ABI3BP: variants seen among roughly 807,000 people sequenced by gnomAD.
The protein encoded by ABI3BP is ABI family member 3 binding protein.
In ABI3BP, 216 loss-of-function variants were observed where a neutral mutation model predicts 268.6. The observed-to-expected ratio is 0.80, with a 90% CI of 0.72 to 0.90. The LOEUF is 0.90. ABI3BP is among the 40% of genes least tolerant of loss of function. ABI3BP has a pLI of 0.00. For synonymous variants in ABI3BP, 730 were observed against 730.0 expected (o/e 1.00, Z 0.00); for missense variants, 2,090 against 2,182.4 (o/e 0.96, Z 0.84).
chr3:100,804,970 A>G lies in ABI3BP; in HGVS notation c.3683-104T>C, dbSNP rs944036794. 6 of 922,034 alleles carry G rather than the reference A, an allele frequency of 6.5e-6. No individual in the cohort carries two copies. In the African/African-American group the frequency reaches 9.8e-5, roughly 15 times the overall value. 57.1% of individuals were successfully genotyped at this position (922,034 alleles called of 1,614,324 possible). ...GTGTAGCCTGAACACTGATAAAACA[A>G]AGCATTAGAGAGAAGACAGAAGAAG... On this transcript the variant is annotated intron_variant, in intron 50 of 67. Coordinates refer to ENST00000471714, the MANE Select transcript of ABI3BP (RefSeq NM_001375547.2).
intron 2 of ABI3BP, among the ~76,000 whole-genome samples, chr3:100,924,695 C>T (rs973829026): frequency 4.6e-5 from 7 of 152,066 alleles, no homozygotes; most frequent in African/African-American, 1.7e-4. Context: ...AATCAATTTT[C>T]ATCATTGAAA....
rs1451720615 is a variant in ABI3BP at position 100,869,265 on chromosome 3, CATTT to C, written c.911-2313_911-2310del. On this transcript the variant is annotated intron_variant, in intron 9 of 67. Coordinates refer to ENST00000471714, the MANE Select transcript of ABI3BP (RefSeq NM_001375547.2). ...ACTACCCCTTCCTAAGAGACAGAGA[CATTT>C]ATATTCTTTCTATATTACTAACTCA... Among the ~76,000 whole-genome samples, 18 of 121,932 alleles carry C rather than the reference CATTT, an allele frequency of 1.5e-4. No homozygotes were observed. The Admixed American group carries it at 1.5e-3, about 10-fold the overall frequency. 80.0% of individuals were successfully genotyped at this position (121,932 alleles called of 152,430 possible). A position where few individuals can be genotyped will look rare whatever the true frequency, so the allele number is the denominator to read the frequency against.
chr3:100,780,252 A>G (rs2096828843), intron 57 of ABI3BP, 43 bp from the exon 58 acceptor site: 1 of 1,585,358 alleles, frequency 6.3e-7, no homozygotes, highest in African/African-American at 1.4e-5. Context: ...TATAGCAAAA[A>G]TGTTCCATGG....
In ABI3BP at chr3:100,779,467, T is replaced by G. The variant is rs142988451; in HGVS notation, c.4240+665A>C. On this transcript the variant is annotated intron_variant, in intron 58 of 67. Transcript: ENST00000471714. ...GAGGTCAAAGGTGCTTGGAGAAGTC[T>G]GCTTTAACCCACATTTTAAGTCTTG... Among the ~76,000 whole-genome samples, 543 of 152,384 alleles carry G rather than the reference T, an allele frequency of 3.6e-3. 5 individuals carry two copies. Among genetic ancestry groups the G allele is most frequent in the Non-Finnish European group, 5.3e-3 (360 of 68,038 alleles).
chr3:100,947,180 T>C (rs1025748164), intron 1 of ABI3BP, among the ~76,000 whole-genome samples: 2 of 152,182 alleles, frequency 1.3e-5, no homozygotes, highest in African/African-American at 2.4e-5. Flanking sequence ...ACATACCTGA[T>C]ATATCTCATT....
intron 1 of ABI3BP, among the ~76,000 whole-genome samples, chr3:100,987,346 T>C (rs975175377): frequency 6.6e-6 from 1 of 152,244 alleles, no homozygotes; most frequent in African/African-American, 2.4e-5. Context: ...TGAATTCTTC[T>C]ATTTTCAGGT....
Position 100,929,058 on chromosome 3 carries a change from C to T in ABI3BP, c.80-2577G>A, listed in dbSNP as rs552736311. Among the ~76,000 whole-genome samples, 6 of 152,116 alleles carry T rather than the reference C, an allele frequency of 3.9e-5. No individual in the cohort carries two copies. The South Asian group carries it at 8.3e-4, about 21-fold the overall frequency. On this transcript the variant is annotated intron_variant, in intron 1 of 67. Transcript: ENST00000471714. ...CAATAGAATGGAACCAATGTAAAAT[C>T]GAACACATATTCTGCTACCTTAGAA... is the stretch of plus-strand genomic sequence containing the variant.
intron 58 of ABI3BP, among the ~76,000 whole-genome samples, chr3:100,778,989 G>A (rs1206178346): frequency 2.0e-5 from 3 of 152,162 alleles, no homozygotes; most frequent in Non-Finnish European, 4.4e-5. Context: ...CATTTTCCAT[G>A]TAGACTTAAC....
chr3:100,943,022 T>C (rs2153721939), intron 1 of ABI3BP, among the ~76,000 whole-genome samples: 1 of 152,222 alleles, frequency 6.6e-6, no homozygotes, highest in East Asian at 1.9e-4. Context: ...TGAGAACTAT[T>C]TCTGGAGACA....
At position 100,850,747 on chromosome 3, in the gene ABI3BP, A is replaced by G; in HGVS notation, c.1352-13T>C. 1 of 1,603,584 alleles carries G rather than the reference A, an allele frequency of 6.2e-7. No homozygotes were observed. Among genetic ancestry groups the G allele is most frequent in the Non-Finnish European group, 8.5e-7 (1 of 1,170,976 alleles). ...CGATCACTTGTTGCTGTTGGAATAA[A>G]TGTCAACATTTGTAAAAGCAGTAGA... is the stretch of plus-strand genomic sequence containing the variant. On this transcript the variant is annotated splice_polypyrimidine_tract_variant and intron_variant, in intron 15 of 67. Transcript: ENST00000471714.
chr3:100,937,884 T>A (rs145885328), intron 1 of ABI3BP, among the ~76,000 whole-genome samples: 106 of 152,182 alleles, frequency 7.0e-4, no homozygotes, highest in African/African-American at 2.3e-3. Context: ...GCAGTCACTG[T>A]CAGAAGCTTC....
intron 39 of ABI3BP, 92 bp downstream of exon 39, chr3:100,820,962 T>G: frequency 9.2e-7 from 1 of 1,088,708 alleles, no homozygotes; most frequent in Non-Finnish European, 1.3e-6. Flanking sequence ...TGATGTAGTC[T>G]TGAAAAGCAT....
intron 45 of ABI3BP, among the ~76,000 whole-genome samples, chr3:100,813,031 C>G (rs1167919897): frequency 6.6e-6 from 1 of 152,080 alleles, no homozygotes; most frequent in Admixed American, 6.6e-5. Context: ...CAGGCATGCA[C>G]CACTATGCCC....
At chr3:100,773,806 A>G (rs555110498) in intron 61 of ABI3BP, among the ~76,000 whole-genome samples, 1 of 152,386 alleles carries the variant, frequency 6.6e-6, no homozygotes, top group Admixed American at 6.5e-5. Context: ...AGAAATCTCC[A>G]AATATTTATG....
At chr3:100,841,724 A>C (rs2098705642) in intron 21 of ABI3BP, among the ~76,000 whole-genome samples, 1 of 152,020 alleles carries the variant, frequency 6.6e-6, no homozygotes, top group African/African-American at 2.4e-5. Flanking sequence ...CCCTGTCTCT[A>C]CTAAAAATAT....
At chr3:100,890,149 A>G (rs368458913) in intron 4 of ABI3BP, among the ~76,000 whole-genome samples, 9 of 152,278 alleles carry the variant, frequency 5.9e-5, no homozygotes, top group African/African-American at 1.9e-4. Flanking sequence ...CTTAATGTAC[A>G]TGGTTGACTG....
intron 1 of ABI3BP, among the ~76,000 whole-genome samples, chr3:100,979,909 T>C (rs995101973): frequency 1.8e-4 from 27 of 152,222 alleles, no homozygotes; most frequent in African/African-American, 6.5e-4. Flanking sequence ...ATGGGATTTA[T>C]TGCCAAGAAC....
intron 12 of ABI3BP, 117 bp downstream of exon 12, chr3:100,863,885 C>T (rs2099023905): frequency 2.6e-6 from 2 of 774,998 alleles, no homozygotes; most frequent in Admixed American, 2.3e-5. Flanking sequence ...AACTTGAAGA[C>T]TGTGTCACCT....
At chr3:100,991,349 C>A (rs1447306803) in intron 1 of ABI3BP, among the ~76,000 whole-genome samples, 1 of 152,178 alleles carries the variant, frequency 6.6e-6, no homozygotes, top group Non-Finnish European at 1.5e-5. Flanking sequence ...CTGTGACAGA[C>A]AAACCCCTGT....
Sources: allele counts gnomAD v4.1 joint callset (sites outside exome capture counted in the v4.1 genomes callset), GRCh38; gene constraint gnomAD v4.1.1; transcripts MANE v1.5; gene names NCBI Gene and HGNC (gene_info 2026-07-23, HGNC 2026-07-21).